The following GAN variants were observed in gnomAD, a reference collection of about 807,000 sequenced individuals.
GAN encodes gigaxonin, also known as epididymis secretory sperm binding protein.
GAN carries 48 observed loss-of-function variants against 71.3 expected under a neutral mutation model. That is an observed-to-expected ratio of 0.67 (90% CI 0.53 to 0.86). GAN has a LOEUF of 0.86. Among genes scored for constraint, GAN ranks in the 40% least tolerant of loss-of-function variants. GAN has a pLI of 0.00. For missense variants in GAN, 928 were observed against 770.1 expected (o/e 1.21, Z -2.43); for synonymous variants, 386 against 276.8 (o/e 1.39, Z -3.92).
At chr16:81,362,305 G>A (rs1419245026) in intron 5 of GAN, among the ~76,000 whole-genome samples, 194 bp from the exon 6 acceptor site, 2 of 152,176 alleles carry the variant, frequency 1.3e-5, no homozygotes, top group Non-Finnish European at 2.9e-5. Context: ...ACAGTAATGA[G>A]TAAAGCAAAA....
chr16:81,365,141 T>A (rs191668369), intron 8 of GAN, 31 bp downstream of exon 8: 1 of 1,610,098 alleles, frequency 6.2e-7, no homozygotes, highest in African/African-American at 1.3e-5. Flanking sequence ...CTTTGTAGAT[T>A]CCCTTGCTGT....
intron 9 of GAN, among the ~76,000 whole-genome samples, chr16:81,369,574 T>C (rs1483313737): frequency 1.3e-5 from 2 of 152,268 alleles, no homozygotes; most frequent in African/African-American, 4.8e-5. Flanking sequence ...TGGGTAGAAT[T>C]CTACATTACT....
rs1450436592 is a variant in GAN at position 81,387,925 on chromosome 16, A to G, written c.*10329A>G. 1 of 152,274 alleles carries G rather than the reference A, an allele frequency of 6.6e-6. No homozygotes were observed. Among genetic ancestry groups the G allele is most frequent in the South Asian group, 2.1e-4 (1 of 4,834 alleles). The allele number at this position is 152,274 out of a possible 1,614,324, so 9.4% of individuals were successfully genotyped here. On this transcript the variant is annotated 3_prime_UTR_variant, in exon 11 of 11. Coordinates refer to ENST00000648994, the MANE Select transcript of GAN (RefSeq NM_022041.4). ...GGATGCACACCATGTCTTCAGAGCT[A>G]GCCGGCTGTGTCTTCTCCCCGTTTC... is the stretch of plus-strand genomic sequence containing the variant.
At chr16:81,358,904 AATTG>A (rs1192009363) in intron 5 of GAN, among the ~76,000 whole-genome samples, 3 of 152,140 alleles carry the variant, frequency 2.0e-5, no homozygotes, top group African/African-American at 7.2e-5. Flanking sequence ...GTCCTTATTT[AATTG>A]TGTTTGCTTG....
At chr16:81,339,298 G>A (rs746943440) in intron 1 of GAN, among the ~76,000 whole-genome samples, 2 of 152,172 alleles carry the variant, frequency 1.3e-5, no homozygotes, top group Non-Finnish European at 2.9e-5. Flanking sequence ...AGTTTGAGAA[G>A]CACTGGGCCT....
rs764976212 is a variant in GAN at position 81,380,919 on chromosome 16, C to CT, written c.*3329dup. On this transcript the variant is annotated 3_prime_UTR_variant, in exon 11 of 11. Coordinates refer to ENST00000648994, the MANE Select transcript of GAN (RefSeq NM_022041.4). ...TAAGGAATTGATAGCTAACTGTAGG[C>CT]TTTTTTCAAACTGTATAACAACCAA... is the stretch of plus-strand genomic sequence containing the variant. 2.0e-5 allele frequency: 3 copies of CT among 152,084 alleles called. No individual in the cohort carries two copies. Among genetic ancestry groups the CT allele is most frequent in the Non-Finnish European group, 4.4e-5 (3 of 68,006 alleles). The allele number at this position is 152,084 out of a possible 1,614,324, so 9.4% of individuals were successfully genotyped here. A position where few individuals can be genotyped will look rare whatever the true frequency, so the allele number is the denominator to read the frequency against.
At position 81,384,333 on chromosome 16, in the gene GAN, A is replaced by T. The variant is rs1226152548; in HGVS notation, c.*6737A>T. The stretch of plus-strand genomic sequence containing the variant: ...AAAAAAAAAGAAAAGAAAAAAAAGC[A>T]CTTACAACCAGGAGGAATAATAATT... On this transcript the variant is annotated 3_prime_UTR_variant, in exon 11 of 11. Coordinates refer to ENST00000648994, the MANE Select transcript of GAN (RefSeq NM_022041.4). 6.6e-6 allele frequency: 1 copy of T among 151,858 alleles called. No homozygotes were observed. Among genetic ancestry groups the T allele is most frequent in the Non-Finnish European group, 1.5e-5 (1 of 67,982 alleles). 9.4% of individuals were successfully genotyped at this position (151,858 alleles called of 1,614,324 possible).
chr16:81,316,564 G>C (rs1248113764), intron 1 of GAN, among the ~76,000 whole-genome samples: 1 of 152,214 alleles, frequency 6.6e-6, no homozygotes, highest in Non-Finnish European at 1.5e-5. Context: ...GTGACAGACA[G>C]CTTCTAGCTG....
Position 81,354,732 on chromosome 16 carries a change from G to T in GAN, c.610G>T (p.Ala204Ser). The stretch of plus-strand genomic sequence containing the variant: ...CTTTGAAGCAGTAATTCGATGGATA[G>T]CACATGATACAGAAATAAGAAAGGT... ...YVFEAVIRWI[A>S]HDTEIRKVHM... The change falls in exon 3 of 11, where the codon GCA (alanine) becomes TCA (serine). Residue 204 changes from alanine to serine, a missense_variant. Ala to Ser is a moderately conservative substitution (Grantham distance 99). Transcript: ENST00000648994. 1.3e-6 allele frequency: 2 copies of T among 1,596,280 alleles called. No homozygotes were observed. Among genetic ancestry groups the T allele is most frequent in the Non-Finnish European group, 1.7e-6 (2 of 1,163,722 alleles).
At chr16:81,328,617 T>A (rs1909467428) in intron 1 of GAN, among the ~76,000 whole-genome samples, 1 of 151,718 alleles carries the variant, frequency 6.6e-6, no homozygotes, top group Non-Finnish European at 1.5e-5. Flanking sequence ...AAAACTGTCT[T>A]ATCATATAAA....
In GAN at chr16:81,388,104, C is replaced by T. The variant is rs1904456835; in HGVS notation, c.*10508C>T. On this transcript the variant is annotated 3_prime_UTR_variant, in exon 11 of 11. Coordinates refer to ENST00000648994, the MANE Select transcript of GAN (RefSeq NM_022041.4). ...TCTCTGCCAGCTTAGGGATTGCCGT[C>T]AAGGTGGAGGAAGGGTATTTTGGCC... The T allele has an allele frequency of 6.6e-6, 1 of 152,228 alleles. No homozygotes were observed. Among genetic ancestry groups the T allele is most frequent in the African/African-American group, 2.4e-5 (1 of 41,430 alleles). The allele number at this position is 152,228 out of a possible 1,614,324, so 9.4% of individuals were successfully genotyped here. A position where few individuals can be genotyped will look rare whatever the true frequency, so the allele number is the denominator to read the frequency against.
chr16:81,376,554 T>C (rs912260459), intron 9 of GAN, among the ~76,000 whole-genome samples: 1 of 148,238 alleles, frequency 6.7e-6, no homozygotes, highest in East Asian at 2.0e-4. Context: ...TATACACACA[T>C]ATACATATAT....
chr16:81,363,962 G>A lies in GAN; in HGVS notation c.1236+19G>A, dbSNP rs1306500112. 3 of 1,595,752 alleles carry A rather than the reference G, an allele frequency of 1.9e-6. No individual in the cohort carries two copies. The South Asian group carries it at 3.3e-5, about 18-fold the overall frequency. ...CAGAAAGGTGAGGACTGCATTTTGT[G>A]ATAACTAGTCTGTGTACACATTGGA... On this transcript the variant is annotated intron_variant, in intron 7 of 10. Transcript: ENST00000648994.
In GAN at chr16:81,378,408, A is replaced by G. The variant is rs889938164; in HGVS notation, c.*812A>G. 7 of 152,214 alleles carry G rather than the reference A, an allele frequency of 4.6e-5. No homozygotes were observed. Among genetic ancestry groups the G allele is most frequent in the African/African-American group, 1.2e-4 (5 of 41,450 alleles). 9.4% of individuals were successfully genotyped at this position (152,214 alleles called of 1,614,324 possible). A position where few individuals can be genotyped will look rare whatever the true frequency, so the allele number is the denominator to read the frequency against. On this transcript the variant is annotated 3_prime_UTR_variant, in exon 11 of 11. Coordinates refer to ENST00000648994, the MANE Select transcript of GAN (RefSeq NM_022041.4). ...TTCTGCCTTCTCAATGAGCAAAACCATTTTCTAAGTATGAGGATATTAGTG... is the reference window on the plus strand; with the variant it reads ...TTCTGCCTTCTCAATGAGCAAAACCGTTTTCTAAGTATGAGGATATTAGTG...
At chr16:81,320,274 C>T (rs1038419131) in intron 1 of GAN, among the ~76,000 whole-genome samples, 14 of 151,936 alleles carry the variant, frequency 9.2e-5, no homozygotes, top group Non-Finnish European at 2.1e-4. Context: ...GAAACATACA[C>T]TGTAGTTTAA....
At chr16:81,337,896 C>T (rs1270270291) in intron 1 of GAN, among the ~76,000 whole-genome samples, 3 of 152,030 alleles carry the variant, frequency 2.0e-5, no homozygotes, top group Non-Finnish European at 4.4e-5. Flanking sequence ...ATTATAAATC[C>T]TTAAGTACTG....
At chr16:81,357,077 TGCTTTTC>T in intron 4 of GAN, 75 bp downstream of exon 4, 1 of 918,170 alleles carries the variant, frequency 1.1e-6, no homozygotes. Flanking sequence ...GAATTCATAA[TGCTTTTC>T]AGTATCTAAA....
chr16:81,361,540 T>A (rs1210548455), intron 5 of GAN, among the ~76,000 whole-genome samples: 1 of 150,150 alleles, frequency 6.7e-6, no homozygotes, highest in African/African-American at 2.5e-5. Flanking sequence ...TAAACTTCTG[T>A]CTTTTTCATC....
rs1181055134 is a variant in GAN, at chr16:81,365,129, G to C, written c.1373+19G>C. ...AGAGGAGGTACGTGGCTGTGGGGTG[G>C]ACTTTGTAGATTCCCTTGCTGTTCA... On this transcript the variant is annotated intron_variant, in intron 8 of 10. Coordinates refer to ENST00000648994, the MANE Select transcript of GAN (RefSeq NM_022041.4). The C allele has an allele frequency of 6.2e-7, 1 of 1,612,130 alleles. No homozygotes were observed. The highest frequency in any genetic ancestry group is 8.5e-7 in the Non-Finnish European group (1 of 1,178,970).
Sources: allele counts gnomAD v4.1 joint callset (sites outside exome capture counted in the v4.1 genomes callset), GRCh38; gene constraint gnomAD v4.1.1; transcripts MANE v1.5; gene names NCBI Gene and HGNC (gene_info 2026-07-23, HGNC 2026-07-21).